The following WWOX variants were observed in gnomAD, a reference collection of about 807,000 sequenced individuals.
WWOX encodes the protein WW domain containing oxidoreductase.
WWOX carries 69 observed loss-of-function variants against 46.2 expected under a neutral mutation model. The ratio of observed to expected loss-of-function variants is 1.49; its 90% CI spans 1.23 to 1.82. The LOEUF is 1.82. WWOX is among the 40% of genes most tolerant of loss of function. The pLI is 0.00. For synonymous variants in WWOX, 359 were observed against 202.6 expected, an observed-to-expected ratio of 1.77 and a Z score of -6.56; for missense variants, 919 against 542.6, an observed-to-expected ratio of 1.69 and a Z score of -6.89.
chr16:78,855,692 A>C (rs1263494383), intron 8 of WWOX, among the ~76,000 whole-genome samples: 1 of 152,170 alleles, frequency 6.6e-6, no homozygotes, highest in African/African-American at 2.4e-5. Context: ...TTCAAGGTTT[A>C]AGGTTGTTTT....
chr16:78,760,330 T>A (rs959738844), intron 8 of WWOX, among the ~76,000 whole-genome samples: 1 of 152,214 alleles, frequency 6.6e-6, no homozygotes, highest in African/African-American at 2.4e-5. Context: ...ATGTGGGAAT[T>A]ATGGGAGCTA....
chr16:78,923,794 G>T (rs1319696906), intron 8 of WWOX, among the ~76,000 whole-genome samples: 9 of 102,156 alleles, frequency 8.8e-5, no homozygotes, highest in East Asian at 2.8e-4. Flanking sequence ...TTTTTAGTTA[G>T]TTTTTTTTTT....
intron 8 of WWOX, among the ~76,000 whole-genome samples, chr16:78,974,755 G>A (rs976910658): frequency 6.6e-6 from 1 of 152,140 alleles, no homozygotes; most frequent in Non-Finnish European, 1.5e-5. Context: ...TCTGGTGTTG[G>A]GTCCGCCAGC....
At chr16:79,157,553 A>G (rs1210981389) in intron 8 of WWOX, among the ~76,000 whole-genome samples, 1 of 152,176 alleles carries the variant, frequency 6.6e-6, no homozygotes, top group Non-Finnish European at 1.5e-5. Flanking sequence ...AACCTCAGTA[A>G]TCAGTAGTTT....
intron 5 of WWOX, among the ~76,000 whole-genome samples, chr16:78,173,518 G>A (rs2151745427): frequency 6.7e-6 from 1 of 148,444 alleles, no homozygotes; most frequent in East Asian, 2.0e-4. Context: ...GGCTAGTCTC[G>A]AATTCCTCTG....
At chr16:78,490,850 C>A (rs569200381) in intron 8 of WWOX, among the ~76,000 whole-genome samples, 2 of 152,190 alleles carry the variant, frequency 1.3e-5, no homozygotes, top group Admixed American at 1.3e-4. Flanking sequence ...GAGAAGCTCA[C>A]CCATCACCAT....
intron 1 of WWOX, among the ~76,000 whole-genome samples, chr16:78,105,551 G>A (rs527923267): frequency 3.3e-5 from 5 of 152,074 alleles, no homozygotes; most frequent in African/African-American, 9.7e-5. Context: ...AGTCAAGAAC[G>A]TAGGTTGACA....
intron 5 of WWOX, chr16:78,355,918 C>T (rs917088785): frequency 1.2e-4 from 38 of 326,566 alleles, no homozygotes; most frequent in African/African-American, 2.9e-4. Flanking sequence ...AAGAGAAACC[C>T]GCATACATTT....
intron 8 of WWOX, among the ~76,000 whole-genome samples, chr16:78,790,626 T>G (rs1158128095): frequency 6.6e-6 from 1 of 152,186 alleles, no homozygotes; most frequent in Non-Finnish European, 1.5e-5. Flanking sequence ...AGATTAATTT[T>G]CTTTCTTTCT....
At chr16:79,170,372 T>A (rs571971364) in intron 8 of WWOX, among the ~76,000 whole-genome samples, 31 of 152,210 alleles carry the variant, frequency 2.0e-4, no homozygotes, top group Non-Finnish European at 4.0e-4. Flanking sequence ...TTGACCCAGG[T>A]CTGACTCCAG....
At chr16:78,679,799 C>G (rs1311301959) in intron 8 of WWOX, among the ~76,000 whole-genome samples, 1 of 152,222 alleles carries the variant, frequency 6.6e-6, no homozygotes, top group Non-Finnish European at 1.5e-5. Flanking sequence ...CAGCAGCACT[C>G]TTGCTGCCTG....
intron 1 of WWOX, among the ~76,000 whole-genome samples, chr16:78,102,683 T>C (rs931953802): frequency 6.6e-6 from 1 of 152,194 alleles, no homozygotes; most frequent in Non-Finnish European, 1.5e-5. Flanking sequence ...CTAGTCACCT[T>C]GTTTCTCTGC....
chr16:79,092,776 G>A (rs1035487821), intron 8 of WWOX, among the ~76,000 whole-genome samples: 4 of 152,138 alleles, frequency 2.6e-5, no homozygotes, highest in African/African-American at 9.7e-5. Flanking sequence ...AAACGTTGTT[G>A]AAAACATATT....
intron 8 of WWOX, among the ~76,000 whole-genome samples, chr16:78,971,904 A>G (rs2046478165): frequency 6.6e-6 from 1 of 152,194 alleles, no homozygotes. Flanking sequence ...ATATTAGTGC[A>G]GACCTTGCAG....
In WWOX at chr16:78,830,795, G is replaced by A. The variant is rs562083065; in HGVS notation, c.1057-380813G>A. Among the ~76,000 whole-genome samples, 492 of 151,858 alleles carry A rather than the reference G, an allele frequency of 3.2e-3. 1 individual carries two copies. Among genetic ancestry groups the A allele is most frequent in the Non-Finnish European group, 4.0e-3 (275 of 67,978 alleles). Reference sequence around the variant, plus strand: ...CTCAGGGCCCCCTGGGAGTCAGAGCGTTCCCTCCCTCCTTGCCACTGTAAA... The same window carrying A: ...CTCAGGGCCCCCTGGGAGTCAGAGCATTCCCTCCCTCCTTGCCACTGTAAA... On this transcript the variant is annotated intron_variant, in intron 8 of 8. Coordinates refer to ENST00000566780, the MANE Select transcript of WWOX (RefSeq NM_016373.4).
At chr16:79,064,512 C>T (rs144254457) in intron 8 of WWOX, among the ~76,000 whole-genome samples, 83 of 152,302 alleles carry the variant, frequency 5.4e-4, no homozygotes, top group Middle Eastern at 3.4e-3. Context: ...TGTCTAGGAA[C>T]GCAGATGTGG....
rs74034409 is a variant in WWOX at position 78,800,774 on chromosome 16, C to G, written c.1056+368022C>G. Among the ~76,000 whole-genome samples the G allele has an allele frequency of 8.4e-3, 1,280 of 152,290 alleles. 2 individuals carry two copies. The highest frequency in any genetic ancestry group is 0.011 in the Non-Finnish European group (716 of 68,022). ...TTAGCTAAGGTCAGTGTGTCTGGGTCTGTGTCAGGCATGTAGCAGCCACAG... is the reference window on the plus strand; with the variant it reads ...TTAGCTAAGGTCAGTGTGTCTGGGTGTGTGTCAGGCATGTAGCAGCCACAG... On this transcript the variant is annotated intron_variant, in intron 8 of 8. Coordinates refer to ENST00000566780, the MANE Select transcript of WWOX (RefSeq NM_016373.4).
At chr16:78,849,065 A>C (rs962259405) in intron 8 of WWOX, among the ~76,000 whole-genome samples, 3 of 152,172 alleles carry the variant, frequency 2.0e-5, no homozygotes, top group Non-Finnish European at 2.9e-5. Context: ...CACTGTTGAC[A>C]ATCTTGCCAC....
At chr16:78,103,317 T>C (rs2031926358) in intron 1 of WWOX, among the ~76,000 whole-genome samples, 1 of 151,846 alleles carries the variant, frequency 6.6e-6, no homozygotes. Flanking sequence ...TGCAGGTTTG[T>C]TACATAAGTA....
Sources: allele counts gnomAD v4.1 joint callset (sites outside exome capture counted in the v4.1 genomes callset), GRCh38; gene constraint gnomAD v4.1.1; transcripts MANE v1.5; gene names NCBI Gene and HGNC (gene_info 2026-07-23, HGNC 2026-07-21).